The following DTD1 variants were observed in gnomAD, a reference collection of about 807,000 sequenced individuals.
The protein encoded by DTD1 is D-aminoacyl-tRNA deacylase 1.
Under a neutral mutation model 25.6 loss-of-function variants are expected in DTD1, and 13 were observed. The ratio of observed to expected loss-of-function variants is 0.51; its 90% CI spans 0.33 to 0.81. DTD1 has a LOEUF of 0.81. DTD1 is among the 30% of genes least tolerant of loss of function. DTD1 has a pLI of 0.02. For missense variants in DTD1, 193 were observed against 266.4 expected, an observed-to-expected ratio of 0.72 and a Z score of 1.92; for synonymous variants, 110 against 103.6, an observed-to-expected ratio of 1.06 and a Z score of -0.37.
chr20:18,590,561 C>G (rs2060585480), intron 1 of DTD1, among the ~76,000 whole-genome samples: 1 of 152,128 alleles, frequency 6.6e-6, no homozygotes, highest in South Asian at 2.1e-4. Flanking sequence ...GCCTCTGCCT[C>G]CTGGGTTCAA....
At chr20:18,733,383 A>G (rs879758513) in intron 4 of DTD1, among the ~76,000 whole-genome samples, 1 of 152,218 alleles carries the variant, frequency 6.6e-6, no homozygotes, top group Non-Finnish European at 1.5e-5. Context: ...TCAGTTGTCC[A>G]TGGAGGCTGC....
intron 3 of DTD1, among the ~76,000 whole-genome samples, chr20:18,608,611 T>G (rs2060672853): frequency 6.6e-6 from 1 of 152,240 alleles, no homozygotes; most frequent in Non-Finnish European, 1.5e-5. Flanking sequence ...TCCCCACTTT[T>G]GTGCTAAGAA....
chr20:18,728,233 G>C (rs1417710255), intron 4 of DTD1, among the ~76,000 whole-genome samples: 2 of 152,184 alleles, frequency 1.3e-5, no homozygotes, highest in Non-Finnish European at 2.9e-5. Flanking sequence ...CTAGCTAAAA[G>C]GTCCCCTGGA....
chr20:18,743,598 C>T (rs2061286802), intron 4 of DTD1, among the ~76,000 whole-genome samples: 1 of 147,310 alleles, frequency 6.8e-6, no homozygotes, highest in South Asian at 2.1e-4. Flanking sequence ...CACTTGAACC[C>T]AGGAGGTTGA....
intron 4 of DTD1, among the ~76,000 whole-genome samples, chr20:18,646,596 C>G (rs1030592206): frequency 6.6e-6 from 1 of 152,142 alleles, no homozygotes; most frequent in African/African-American, 2.4e-5. Flanking sequence ...ATCACAGAGC[C>G]TCTCAGATTT....
At chr20:18,706,386 A>G (rs773887789) in intron 4 of DTD1, among the ~76,000 whole-genome samples, 1 of 152,236 alleles carries the variant, frequency 6.6e-6, no homozygotes, top group Non-Finnish European at 1.5e-5. Context: ...GCATAAATAA[A>G]TAAAATATCA....
chr20:18,694,748 C>G (rs901520206), intron 4 of DTD1, among the ~76,000 whole-genome samples: 2 of 152,092 alleles, frequency 1.3e-5, no homozygotes, highest in Non-Finnish European at 2.9e-5. Context: ...TTTTTATATA[C>G]AGGTCACAAA....
At position 18,624,441 on chromosome 20, in the gene DTD1, G is replaced by A. The variant is rs923428106; in HGVS notation, c.371-3686G>A. 4.6e-5 allele frequency among the ~76,000 whole-genome samples: 7 copies of A among 152,270 alleles called. No homozygotes were observed. The East Asian group carries it at 9.6e-4, about 21-fold the overall frequency. On this transcript the variant is annotated intron_variant, in intron 3 of 5. Coordinates refer to ENST00000377452, the MANE Select transcript of DTD1 (RefSeq NM_080820.6). ...ATCAAATCCAAAAGCTTTGAAGACCGAAGGAAGTAAGATATGAAATCATAT... is the reference window on the plus strand; with the variant it reads ...ATCAAATCCAAAAGCTTTGAAGACCAAAGGAAGTAAGATATGAAATCATAT...
At chr20:18,664,074 CT>C (rs1177124106) in intron 4 of DTD1, among the ~76,000 whole-genome samples, 40 of 152,176 alleles carry the variant, frequency 2.6e-4, no homozygotes, top group African/African-American at 9.2e-4. Flanking sequence ...GTGTAGTGGG[CT>C]TTATCATCTA....
At chr20:18,632,800 C>A in intron 4 of DTD1, 1 of 404,082 alleles carries the variant, frequency 2.5e-6, no homozygotes, top group South Asian at 1.0e-4. Context: ...TATATGTGTG[C>A]ATGGGTATGT....
chr20:18,613,695 G>C (rs533333975), intron 3 of DTD1, among the ~76,000 whole-genome samples: 8 of 152,198 alleles, frequency 5.3e-5, no homozygotes, highest in Non-Finnish European at 1.2e-4. Flanking sequence ...TGAGGTGACT[G>C]GTGTGATGCA....
intron 4 of DTD1, among the ~76,000 whole-genome samples, chr20:18,687,322 A>AG (rs946448211): frequency 2.0e-5 from 3 of 152,096 alleles, no homozygotes; most frequent in African/African-American, 7.2e-5. Flanking sequence ...GAGGGAGGTG[A>AG]GGGGGTGTCA....
Position 18,596,354 on chromosome 20 carries a change from GTTAC to G in DTD1, c.370+121_370+124del, listed in dbSNP as rs1255862303. On this transcript the variant is annotated intron_variant, in intron 3 of 5. Transcript: ENST00000377452. ...TTCTGGAAAGTCATTGTTTATGCTT[GTTAC>G]TTACTTAGAACCACATACTAGCTGC... 1.3e-5 allele frequency: 11 copies of G among 872,012 alleles called. No individual in the cohort carries two copies. In the African/African-American group the frequency reaches 1.5e-4, roughly 12 times the overall value. 54.0% of individuals were successfully genotyped at this position (872,012 alleles called of 1,614,324 possible).
chr20:18,683,184 T>G lies in DTD1; in HGVS notation c.477+54951T>G, dbSNP rs537892993. ...AGTTGGTCATAGGGCACTGCGCATA[T>G]GACAGTAGGGTCTGGCAGCTTTTCA... On this transcript the variant is annotated intron_variant, in intron 4 of 5. Coordinates refer to ENST00000377452, the MANE Select transcript of DTD1 (RefSeq NM_080820.6). Among the ~76,000 whole-genome samples the G allele has an allele frequency of 2.6e-5, 4 of 152,320 alleles. No individual in the cohort carries two copies. The South Asian group carries it at 8.3e-4, about 32-fold the overall frequency.
intron 3 of DTD1, among the ~76,000 whole-genome samples, chr20:18,617,259 G>A (rs1212065809): frequency 6.6e-6 from 1 of 151,366 alleles, no homozygotes; most frequent in Non-Finnish European, 1.5e-5. Context: ...TCATTCAGCA[G>A]GAGGAATGGG....
intron 4 of DTD1, among the ~76,000 whole-genome samples, chr20:18,655,813 C>G (rs1350891870): frequency 6.6e-6 from 1 of 151,944 alleles, no homozygotes; most frequent in Non-Finnish European, 1.5e-5. Context: ...TCTTGTTGCC[C>G]AGGCTGGAGT....
chr20:18,729,458 T>C (rs1468879652), intron 4 of DTD1, among the ~76,000 whole-genome samples: 1 of 152,332 alleles, frequency 6.6e-6, no homozygotes, highest in East Asian at 1.9e-4. Flanking sequence ...GAGATTTCAA[T>C]TAAATTTGCA....
At chr20:18,697,149 G>A (rs910836433) in intron 4 of DTD1, among the ~76,000 whole-genome samples, 5 of 151,556 alleles carry the variant, frequency 3.3e-5, no homozygotes, top group Non-Finnish European at 4.4e-5. Context: ...GGAGAATGGC[G>A]AGAACCTGGG....
chr20:18,747,108 C>G (rs1471610942), intron 5 of DTD1, among the ~76,000 whole-genome samples: 1 of 152,160 alleles, frequency 6.6e-6, no homozygotes, highest in Non-Finnish European at 1.5e-5. Context: ...TATAGTCTGT[C>G]CAGAAATCCT....
Sources: gnomAD v4.1 joint callset for allele counts (sites outside exome capture counted in the v4.1 genomes callset) on GRCh38, gnomAD v4.1.1 for gene constraint, MANE v1.5 for transcripts, NCBI Gene and HGNC (gene_info 2026-07-23, HGNC 2026-07-21) for gene names.